NRG3: variants seen among roughly 807,000 people sequenced by gnomAD.
NRG3 encodes pro-neuregulin-3, membrane-bound isoform.
In NRG3, 31 loss-of-function variants were observed where a neutral mutation model predicts 66.9. That is an observed-to-expected ratio of 0.46 (90% CI 0.35 to 0.63). NRG3 has a LOEUF of 0.63. Ranked by LOEUF, NRG3 falls within the 20% of genes least tolerant of loss-of-function variation. The pLI is 0.00. For missense variants in NRG3, 910 were observed against 878.9 expected, an observed-to-expected ratio of 1.04 and a Z score of -0.45; for synonymous variants, 393 against 359.4, an observed-to-expected ratio of 1.09 and a Z score of -1.06.
At chr10:82,582,662 T>TTGTGTGTGTGTG (rs141112949) in intron 2 of NRG3, among the ~76,000 whole-genome samples, 105 of 146,478 alleles carry the variant, frequency 7.2e-4, no homozygotes, top group East Asian at 1.6e-3. Flanking sequence ...TCTATATGTG[T>TTGTGTGTGTGTG]TGTGTGTGTG....
At chr10:82,175,761 A>C (rs907238354) in intron 1 of NRG3, among the ~76,000 whole-genome samples, 6 of 152,176 alleles carry the variant, frequency 3.9e-5, no homozygotes, top group African/African-American at 1.4e-4. Context: ...GATGTCAGGT[A>C]ATCTGTGCAT....
intron 1 of NRG3, chr10:81,878,136 G>A (rs868153029): frequency 2.8e-6 from 4 of 1,446,092 alleles, no homozygotes; most frequent in Admixed American, 2.5e-5. Context: ...CCTACATTCC[G>A]TGGACGGGAA....
At chr10:82,408,623 C>T (rs2087805279) in intron 2 of NRG3, among the ~76,000 whole-genome samples, 1 of 117,942 alleles carries the variant, frequency 8.5e-6, no homozygotes, top group Non-Finnish European at 1.6e-5. Flanking sequence ...CTATACATTT[C>T]ATATATATAT....
chr10:82,436,384 T>G (rs1468046737), intron 2 of NRG3, among the ~76,000 whole-genome samples: 2 of 152,174 alleles, frequency 1.3e-5, no homozygotes, highest in African/African-American at 4.8e-5. Flanking sequence ...TTCCATTTGC[T>G]TGGTAAATTT....
chr10:82,357,661 A>G (rs1024774106), intron 1 of NRG3, among the ~76,000 whole-genome samples: 5 of 152,032 alleles, frequency 3.3e-5, no homozygotes, highest in Non-Finnish European at 7.4e-5. Context: ...CAGTTCCATC[A>G]TGGGGGCCTC....
chr10:82,327,273 C>T (rs1168107164), intron 1 of NRG3, among the ~76,000 whole-genome samples: 2 of 152,122 alleles, frequency 1.3e-5, no homozygotes, highest in Non-Finnish European at 1.5e-5. Context: ...GAGAAAACTA[C>T]AAGGACCAGG....
chr10:82,055,828 G>A (rs1044791377), intron 1 of NRG3, among the ~76,000 whole-genome samples: 1 of 152,172 alleles, frequency 6.6e-6, no homozygotes, highest in African/African-American at 2.4e-5. Flanking sequence ...TGAAGGGACT[G>A]GAGATAAAGG....
At chr10:82,212,542 G>T (rs1484613436) in intron 1 of NRG3, among the ~76,000 whole-genome samples, 2 of 152,114 alleles carry the variant, frequency 1.3e-5, no homozygotes, top group African/African-American at 2.4e-5. Context: ...TTGTCACTTG[G>T]ACTGAATTAT....
chr10:82,969,880 C>A (rs1350828888), intron 6 of NRG3, among the ~76,000 whole-genome samples: 1 of 152,108 alleles, frequency 6.6e-6, no homozygotes, highest in Admixed American at 6.5e-5. Flanking sequence ...TATATATAAA[C>A]ACCAGGCTAA....
intron 1 of NRG3, among the ~76,000 whole-genome samples, chr10:81,880,387 A>C (rs570375118): frequency 5.3e-4 from 80 of 152,116 alleles, no homozygotes; most frequent in Non-Finnish European, 6.5e-4. Context: ...TGCTATTTTC[A>C]AAACCTGACC....
At chr10:82,802,481 A>C (rs1198216660) in intron 3 of NRG3, among the ~76,000 whole-genome samples, 1 of 152,202 alleles carries the variant, frequency 6.6e-6, no homozygotes, top group African/African-American at 2.4e-5. Context: ...TAAAAATTAC[A>C]GCAACTGCCA....
chr10:81,908,640 T>G (rs1844824039), intron 1 of NRG3, among the ~76,000 whole-genome samples: 1 of 152,156 alleles, frequency 6.6e-6, no homozygotes, highest in African/African-American at 2.4e-5. Context: ...TAAACCACCT[T>G]TGTTCCTCTC....
chr10:82,960,463 A>ATT (rs34802482), intron 6 of NRG3, among the ~76,000 whole-genome samples: 13 of 137,338 alleles, frequency 9.5e-5, no homozygotes, highest in South Asian at 2.4e-4. Flanking sequence ...AAATGGCTGG[A>ATT]TTTTTTTTTT....
At chr10:82,682,731 A>T (rs956971137) in intron 2 of NRG3, among the ~76,000 whole-genome samples, 8 of 152,138 alleles carry the variant, frequency 5.3e-5, no homozygotes, top group African/African-American at 1.9e-4. Context: ...ATGGAGACTT[A>T]AAGCTTTTCT....
intron 3 of NRG3, among the ~76,000 whole-genome samples, chr10:82,747,492 T>C (rs1325749424): frequency 6.6e-6 from 1 of 152,084 alleles, no homozygotes; most frequent in Non-Finnish European, 1.5e-5. Context: ...TTTTACTTTT[T>C]TCTTTACCAA....
At chr10:82,865,332 C>T in intron 3 of NRG3, 79 bp from the exon 4 acceptor site, 1 of 1,478,024 alleles carries the variant, frequency 6.8e-7, no homozygotes, top group African/African-American at 1.4e-5. Context: ...CTTATGAGCA[C>T]TGATTTCCAT....
At chr10:82,845,700 A>G (rs1409999920) in intron 3 of NRG3, among the ~76,000 whole-genome samples, 1 of 152,238 alleles carries the variant, frequency 6.6e-6, no homozygotes, top group Non-Finnish European at 1.5e-5. Flanking sequence ...AGAAAAGTAG[A>G]TATGGAAGAG....
intron 1 of NRG3, among the ~76,000 whole-genome samples, chr10:82,238,499 A>C (rs1163196799): frequency 6.6e-6 from 1 of 152,156 alleles, no homozygotes; most frequent in Non-Finnish European, 1.5e-5. Flanking sequence ...TTTGATTGCA[A>C]GTTTCTTAAA....
chr10:82,053,599 C>T (rs12763225), intron 1 of NRG3, among the ~76,000 whole-genome samples: 36,627 of 150,708 alleles, frequency 0.24, 4,534 homozygotes, highest in Middle Eastern at 0.33. Flanking sequence ...ATCTCTACAA[C>T]TTTCAGGAGA....
Sources: gnomAD v4.1 joint callset for allele counts (sites outside exome capture counted in the v4.1 genomes callset) on GRCh38, gnomAD v4.1.1 for gene constraint, MANE v1.5 for transcripts, NCBI Gene and HGNC (gene_info 2026-07-23, HGNC 2026-07-21) for gene names.